Variants in KIF21A observed in about 807,000 individuals in gnomAD.
KIF21A encodes kinesin family member 21A.
A neutral mutation model predicts 202.9 loss-of-function variants in KIF21A; 114 were observed. The ratio of observed to expected loss-of-function variants is 0.56; its 90% CI spans 0.48 to 0.66. The LOEUF (loss-of-function observed/expected upper bound fraction) is 0.66, where lower values mean the gene tolerates loss of function less well. Ranked by LOEUF, KIF21A falls within the 30% of genes least tolerant of loss-of-function variation. KIF21A has a pLI of 0.00. For missense variants in KIF21A, 1,677 were observed against 1,994.9 expected (o/e 0.84, Z 3.04); for synonymous variants, 667 against 670.8 (o/e 0.99, Z 0.09).
rs1387332677 is a variant in KIF21A at position 39,436,448 on chromosome 12, A to ATATT, written c.44+6478_44+6479insAATA. On this transcript the variant is annotated intron_variant, in intron 1 of 37. Transcript: ENST00000361418. ...TATATATATATATATATATATATAT[A>ATATT]TTTTTTTTTTTTTTAGACAGGGTTT... is the stretch of plus-strand genomic sequence containing the variant. 7.6e-4 allele frequency among the ~76,000 whole-genome samples: 73 copies of ATATT among 95,756 alleles called. 1 individual carries two copies. Among genetic ancestry groups the ATATT allele is most frequent in the Admixed American group, 1.2e-3 (12 of 9,674 alleles). The allele number at this position is 95,756 out of a possible 152,430, so 62.8% of individuals were successfully genotyped here. A position where few individuals can be genotyped will look rare whatever the true frequency, so the allele number is the denominator to read the frequency against.
chr12:39,381,863 G>T (rs1033471549), intron 1 of KIF21A, among the ~76,000 whole-genome samples: 17 of 152,188 alleles, frequency 1.1e-4, no homozygotes, highest in Admixed American at 1.0e-3. Flanking sequence ...AGGCAAGTGA[G>T]TCTTTTAAAG....
chr12:39,362,425 A>G (rs1565969653), intron 7 of KIF21A, among the ~76,000 whole-genome samples: 1 of 152,206 alleles, frequency 6.6e-6, no homozygotes, highest in East Asian at 1.9e-4. Flanking sequence ...GAATTGTGCT[A>G]TGATTGAATT....
At chr12:39,334,910 A>G (rs1946829765) in intron 17 of KIF21A, among the ~76,000 whole-genome samples, 1 of 152,204 alleles carries the variant, frequency 6.6e-6, no homozygotes, top group Non-Finnish European at 1.5e-5. Context: ...AATTAGTAAT[A>G]AAGAAATAGG....
chr12:39,346,359 A>G, intron 12 of KIF21A, 107 bp downstream of exon 12: 1 of 641,476 alleles, frequency 1.6e-6, no homozygotes, highest in Non-Finnish European at 2.2e-6. Context: ...GGAGCAGCCC[A>G]GCTTATCTAG....
chr12:39,334,657 G>A (rs1946808707), intron 17 of KIF21A, among the ~76,000 whole-genome samples: 1 of 151,960 alleles, frequency 6.6e-6, no homozygotes, highest in Non-Finnish European at 1.5e-5. Context: ...TTTTTATATG[G>A]TATATAAATG....
intron 34 of KIF21A, among the ~76,000 whole-genome samples, chr12:39,307,075 T>C (rs1943545535): frequency 6.6e-6 from 1 of 152,186 alleles, no homozygotes. Flanking sequence ...TTTTTTCTTT[T>C]TAACTACTTT....
chr12:39,325,963 T>C lies in KIF21A; in HGVS notation c.3402-70A>G, dbSNP rs1945859662. ...ATTATAGAAAACTATAGCTCCTCTA[T>C]ATCAACGACTACAAAAAATTTATAT... On this transcript the variant is annotated intron_variant, in intron 25 of 37. Transcript: ENST00000361418. The C allele has an allele frequency of 1.1e-5, 13 of 1,178,858 alleles. No individual in the cohort carries two copies. In the South Asian group the frequency reaches 1.7e-4, roughly 15 times the overall value. 73.0% of individuals were successfully genotyped at this position (1,178,858 alleles called of 1,614,324 possible).
At chr12:39,361,786 A>G (rs1486242757) in intron 7 of KIF21A, among the ~76,000 whole-genome samples, 4 of 152,148 alleles carry the variant, frequency 2.6e-5, no homozygotes, top group African/African-American at 4.8e-5. Context: ...GATCACAGGC[A>G]TGAGCCACTG....
intron 26 of KIF21A, 152 bp downstream of exon 26, chr12:39,325,687 A>T (rs1945826734): frequency 1.6e-6 from 1 of 627,464 alleles, no homozygotes; most frequent in Non-Finnish European, 2.8e-6. Flanking sequence ...CTTAAAGGGA[A>T]ATATGATTAA....
intron 1 of KIF21A, among the ~76,000 whole-genome samples, chr12:39,433,061 T>G (rs150439572): frequency 6.5e-4 from 99 of 152,302 alleles, no homozygotes; most frequent in African/African-American, 2.2e-3. Flanking sequence ...CTAGTAGTAA[T>G]TGTATTAGGG....
chr12:39,322,926 G>A, intron 26 of KIF21A, 44 bp from the exon 27 acceptor site: 3 of 1,423,028 alleles, frequency 2.1e-6, no homozygotes, highest in Non-Finnish European at 1.9e-6. Flanking sequence ...GCAAACTCTT[G>A]CATAGAAGCT....
intron 10 of KIF21A, 100 bp downstream of exon 10, chr12:39,356,732 G>T: frequency 1.5e-6 from 1 of 654,260 alleles, no homozygotes; most frequent in Non-Finnish European, 2.8e-6. Flanking sequence ...ATATCACCAT[G>T]GACAACTGTT....
At chr12:39,356,269 A>C (rs1948768027) in intron 10 of KIF21A, among the ~76,000 whole-genome samples, 1 of 152,186 alleles carries the variant, frequency 6.6e-6, no homozygotes, top group South Asian at 2.1e-4. Flanking sequence ...ATGCTGCCCA[A>C]CCTAGAGTGT....
At chr12:39,317,921 C>T in intron 29 of KIF21A, 152 bp downstream of exon 29, 3 of 776,400 alleles carry the variant, frequency 3.9e-6, no homozygotes, top group Non-Finnish European at 6.4e-6. Context: ...TGCATGGTTC[C>T]TTTCCCATTG....
intron 17 of KIF21A, among the ~76,000 whole-genome samples, chr12:39,335,625 T>C (rs1209233554): frequency 6.6e-6 from 1 of 152,130 alleles, no homozygotes; most frequent in Non-Finnish European, 1.5e-5. Flanking sequence ...TTTGTGAATA[T>C]ACTAAAAACA....
chr12:39,306,938 T>C (rs1943529228), intron 34 of KIF21A, among the ~76,000 whole-genome samples: 1 of 152,176 alleles, frequency 6.6e-6, no homozygotes, highest in African/African-American at 2.4e-5. Context: ...AATGTTTCCT[T>C]GCTGCCAAAA....
At chr12:39,412,377 T>C (rs2140070946) in intron 1 of KIF21A, among the ~76,000 whole-genome samples, 1 of 152,144 alleles carries the variant, frequency 6.6e-6, no homozygotes, top group African/African-American at 2.4e-5. Context: ...AACTGAATGG[T>C]TGTTTATGCC....
intron 11 of KIF21A, among the ~76,000 whole-genome samples, chr12:39,350,026 TATTA>T (rs1442612877): frequency 6.6e-6 from 1 of 151,952 alleles, no homozygotes; most frequent in African/African-American, 2.4e-5. Flanking sequence ...TTTTAGAAAG[TATTA>T]ATTTGTTTTT....
At chr12:39,360,390 AT>A (rs1949117125) in intron 7 of KIF21A, among the ~76,000 whole-genome samples, 1 of 141,730 alleles carries the variant, frequency 7.1e-6, no homozygotes, top group Non-Finnish European at 1.5e-5. Context: ...TATTAGAAAT[AT>A]GATTTTTTTT....
Sources: gnomAD v4.1 joint callset for allele counts (sites outside exome capture counted in the v4.1 genomes callset) on GRCh38, gnomAD v4.1.1 for gene constraint, MANE v1.5 for transcripts, NCBI Gene and HGNC (gene_info 2026-07-23, HGNC 2026-07-21) for gene names.